PANK1: variants seen among roughly 807,000 people sequenced by gnomAD.
PANK1 encodes the protein pantothenic acid kinase 1.
Under a neutral mutation model 40.1 loss-of-function variants are expected in PANK1, and 18 were observed. The observed-to-expected ratio is 0.45, with a 90% confidence interval of 0.31 to 0.67. PANK1 has a LOEUF of 0.67. Among genes scored for constraint, PANK1 ranks in the 30% least tolerant of loss-of-function variants. The pLI, the probability that PANK1 is intolerant of heterozygous loss-of-function variation, is 0.06. For missense variants in PANK1, 457 were observed against 599.6 expected, an observed-to-expected ratio of 0.76 and a Z score of 2.48; for synonymous variants, 242 against 237.7, an observed-to-expected ratio of 1.02 and a Z score of -0.17.
intron 1 of PANK1, among the ~76,000 whole-genome samples, chr10:89,619,312 G>C (rs1845412111): frequency 6.6e-6 from 1 of 152,066 alleles, no homozygotes; most frequent in Non-Finnish European, 1.5e-5. Context: ...GGGTCATTTA[G>C]GCTTCCTGCA....
chr10:89,591,896 C>A (rs912618407), intron 5 of PANK1, among the ~76,000 whole-genome samples: 1 of 152,174 alleles, frequency 6.6e-6, no homozygotes, highest in African/African-American at 2.4e-5. Context: ...AAGAAGCCAG[C>A]TCTGCGGAAA....
At chr10:89,621,024 G>A (rs959177852) in intron 1 of PANK1, among the ~76,000 whole-genome samples, 5 of 152,118 alleles carry the variant, frequency 3.3e-5, no homozygotes, top group Non-Finnish European at 5.9e-5. Context: ...TGTTAAGGCC[G>A]GGTGCGGTGG....
intron 6 of PANK1, among the ~76,000 whole-genome samples, chr10:89,585,533 C>T (rs934830275): frequency 6.6e-6 from 1 of 152,254 alleles, no homozygotes; most frequent in African/African-American, 2.4e-5. Context: ...TTTATTGAGG[C>T]CCCACTAATG....
chr10:89,631,731 T>C (rs960396507), intron 1 of PANK1, among the ~76,000 whole-genome samples: 3 of 152,192 alleles, frequency 2.0e-5, no homozygotes, highest in Admixed American at 2.0e-4. Flanking sequence ...TCTCAGACCA[T>C]GAAGAAATGG....
rs563127717 is a variant in PANK1, at chr10:89,613,951, C to T, written c.293-1903G>A. The T allele has an allele frequency of 1.5e-5, 7 of 456,522 alleles. No individual in the cohort carries two copies. The Admixed American group carries it at 1.6e-4, about 11-fold the overall frequency. The allele number at this position is 456,522 out of a possible 1,614,324, so 28.3% of individuals were successfully genotyped here. On this transcript the variant is annotated intron_variant, in intron 1 of 6. Transcript: ENST00000307534. ...TTCTACCTCTTTGGATTTTAATTTC[C>T]TTATCTGTAAAAGGAATGGGTTGCA...
chr10:89,622,953 G>A (rs1012124474), intron 1 of PANK1, among the ~76,000 whole-genome samples: 5 of 151,970 alleles, frequency 3.3e-5, no homozygotes, highest in African/African-American at 1.2e-4. Flanking sequence ...TTAACACAAA[G>A]TGATTTAATT....
chr10:89,609,971 GACAGATAGGGC>G (rs1247370067), intron 2 of PANK1, among the ~76,000 whole-genome samples: 3 of 152,190 alleles, frequency 2.0e-5, no homozygotes, highest in African/African-American at 7.2e-5. Flanking sequence ...AGTGGAAATG[GACAGATAGGGC>G]ATCCTTGAGG....
In PANK1 at chr10:89,583,553, G is replaced by A. The variant is rs1271006351; in HGVS notation, c.*853C>T. On this transcript the variant is annotated 3_prime_UTR_variant, in exon 7 of 7. Transcript: ENST00000307534. ...TGCCATTCATATTCTGTGCATGGAT[G>A]AGGACATTTAATCACAGACTATTTC... 1 of 152,194 alleles carries A rather than the reference G, an allele frequency of 6.6e-6. No homozygotes were observed. Among genetic ancestry groups the A allele is most frequent in the Non-Finnish European group, 1.5e-5 (1 of 68,040 alleles). The allele number at this position is 152,194 out of a possible 1,614,324, so 9.4% of individuals were successfully genotyped here. A position where few individuals can be genotyped will look rare whatever the true frequency, so the allele number is the denominator to read the frequency against.
At chr10:89,614,809 G>T (rs1218980986) in intron 1 of PANK1, among the ~76,000 whole-genome samples, 1 of 151,372 alleles carries the variant, frequency 6.6e-6, no homozygotes, top group African/African-American at 2.4e-5. Flanking sequence ...AAAAAAAAAA[G>T]AGTGAAATGT....
chr10:89,623,657 A>T (rs944838172), intron 1 of PANK1, among the ~76,000 whole-genome samples: 1 of 152,188 alleles, frequency 6.6e-6, no homozygotes, highest in East Asian at 1.9e-4. Flanking sequence ...AACAGATAGC[A>T]GGTCTGTGGT....
intron 2 of PANK1, among the ~76,000 whole-genome samples, chr10:89,608,321 G>A (rs1292287146): frequency 4.6e-5 from 7 of 152,008 alleles, no homozygotes; most frequent in South Asian, 2.1e-4. Flanking sequence ...GTGAGCCACC[G>A]CGTCTGGCCA....
intron 1 of PANK1, among the ~76,000 whole-genome samples, chr10:89,635,699 G>A (rs1294781996): frequency 6.6e-6 from 1 of 152,200 alleles, no homozygotes; most frequent in African/African-American, 2.4e-5. Flanking sequence ...AATCAGATAT[G>A]GATGAGATTC....
At chr10:89,582,175 G>A (rs1273864314), downstream of PANK1, 1 of 152,120 alleles carries the variant, frequency 6.6e-6, no homozygotes, top group Non-Finnish European at 1.5e-5. Flanking sequence ...CTTTGAACTG[G>A]TAACTGACTA....
At chr10:89,616,464 T>A (rs74529371) in intron 1 of PANK1, among the ~76,000 whole-genome samples, 11,623 of 152,280 alleles carry the variant, frequency 0.076, 554 homozygotes, top group Admixed American at 0.11. Flanking sequence ...TATATTTATA[T>A]GCCTCAAAAG....
At chr10:89,585,648 A>T (rs1298452216) in intron 6 of PANK1, among the ~76,000 whole-genome samples, 1 of 152,216 alleles carries the variant, frequency 6.6e-6, no homozygotes, top group African/African-American at 2.4e-5. Context: ...TAAAACAGAA[A>T]TGGAGAGACA....
intron 2 of PANK1, among the ~76,000 whole-genome samples, chr10:89,608,290 C>T (rs2133957818): frequency 6.6e-6 from 1 of 152,150 alleles, no homozygotes; most frequent in South Asian, 2.1e-4. Context: ...CTCGGCCCCC[C>T]AAAGTGCTGG....
chr10:89,603,710 G>T (rs1037703332), intron 2 of PANK1, among the ~76,000 whole-genome samples: 2 of 152,148 alleles, frequency 1.3e-5, no homozygotes, highest in African/African-American at 4.8e-5. Flanking sequence ...GTACAGTGGG[G>T]TTCTCAAACT....
intron 1 of PANK1, among the ~76,000 whole-genome samples, chr10:89,636,090 T>C (rs904876195): frequency 7.2e-5 from 11 of 152,164 alleles, no homozygotes; most frequent in African/African-American, 2.4e-4. Context: ...TATTTCATGC[T>C]GGTAGGTCTA....
At chr10:89,582,553 T>C (rs1844070915), downstream of PANK1, 2 of 152,228 alleles carry the variant, frequency 1.3e-5, no homozygotes, top group African/African-American at 4.8e-5. Flanking sequence ...CAAGGTCTGC[T>C]GTTACCTGAT....
Sources: allele counts gnomAD v4.1 joint callset (sites outside exome capture counted in the v4.1 genomes callset), GRCh38; gene constraint gnomAD v4.1.1; transcripts MANE v1.5; gene names NCBI Gene and HGNC (gene_info 2026-07-23, HGNC 2026-07-21).